OPCML: variants seen among roughly 807,000 people sequenced by gnomAD.
The protein encoded by OPCML is opioid-binding protein/cell adhesion molecule.
A neutral mutation model predicts 37.8 loss-of-function variants in OPCML; 13 were observed. That is an observed-to-expected ratio of 0.34 (90% CI 0.22 to 0.55). OPCML has a LOEUF of 0.55. Ranked by LOEUF, OPCML falls within the 20% of genes least tolerant of loss-of-function variation. The pLI is 0.91. For synonymous variants in OPCML, 176 were observed against 168.8 expected (o/e 1.04, Z -0.33); for missense variants, 341 against 435.6 (o/e 0.78, Z 1.93).
rs147085566 is a variant in OPCML, at chr11:133,457,853, T to A, written c.61+74411A>T. Among the ~76,000 whole-genome samples, 589 of 152,104 alleles carry A rather than the reference T, an allele frequency of 3.9e-3. 1 individual carries two copies. Among genetic ancestry groups the A allele is most frequent in the Non-Finnish European group, 6.6e-3 (446 of 67,968 alleles). ...AACAACACTCAAAACTCTGTCAAAATACAAAGTTCTTAGCCAGGTCTGGTG... is the reference window on the plus strand; with the variant it reads ...AACAACACTCAAAACTCTGTCAAAAAACAAAGTTCTTAGCCAGGTCTGGTG... On this transcript the variant is annotated intron_variant, in intron 1 of 7. Transcript: ENST00000524381.
At chr11:133,532,205 C>T in intron 1 of OPCML, 59 bp downstream of exon 1, 1 of 1,587,754 alleles carries the variant, frequency 6.3e-7, no homozygotes, top group Admixed American at 1.8e-5. Context: ...ACTGCCTCTC[C>T]TGCTCTCACG....
chr11:133,019,415 G>A (rs567081517), intron 1 of OPCML, among the ~76,000 whole-genome samples: 26 of 152,258 alleles, frequency 1.7e-4, no homozygotes, highest in African/African-American at 6.0e-4. Flanking sequence ...AGGTCAGGCG[G>A]CCCCTTCTCC....
intron 2 of OPCML, among the ~76,000 whole-genome samples, chr11:132,790,611 T>C (rs747646652): frequency 2.0e-5 from 3 of 152,222 alleles, no homozygotes; most frequent in Non-Finnish European, 2.9e-5. Context: ...TGTCAAATTG[T>C]GTGAGCTTCT....
intron 1 of OPCML, among the ~76,000 whole-genome samples, chr11:133,071,583 C>T (rs1326031224): frequency 2.0e-5 from 3 of 152,084 alleles, no homozygotes; most frequent in African/African-American, 2.4e-5. Context: ...CACTGCCTGT[C>T]GAATGATGTG....
intron 4 of OPCML, among the ~76,000 whole-genome samples, chr11:132,499,058 T>C (rs1455796851): frequency 6.6e-6 from 1 of 152,214 alleles, no homozygotes; most frequent in Admixed American, 6.5e-5. Context: ...TCCCCGTGCA[T>C]GGTAGCACAC....
intron 1 of OPCML, among the ~76,000 whole-genome samples, chr11:133,119,874 G>A (rs1949395034): frequency 6.6e-6 from 1 of 152,186 alleles, no homozygotes; most frequent in Admixed American, 6.5e-5. Context: ...AGCGGGAAAG[G>A]TGAGCGGGAA....
intron 2 of OPCML, among the ~76,000 whole-genome samples, chr11:132,920,012 G>A (rs1486027292): frequency 4.6e-5 from 7 of 152,148 alleles, no homozygotes; most frequent in East Asian, 1.9e-4. Flanking sequence ...GGGAGTAGCC[G>A]CTAATGGGTT....
At chr11:133,030,865 C>T (rs1218064672) in intron 1 of OPCML, among the ~76,000 whole-genome samples, 2 of 151,542 alleles carry the variant, frequency 1.3e-5, no homozygotes, top group East Asian at 3.9e-4. Context: ...TCGTCCTTTG[C>T]ACTGTGCTCA....
intron 1 of OPCML, among the ~76,000 whole-genome samples, chr11:133,350,025 G>A (rs993793070): frequency 2.0e-5 from 3 of 152,298 alleles, no homozygotes; most frequent in South Asian, 4.1e-4. Flanking sequence ...CTGCAGAGGA[G>A]CCCACAGAGC....
intron 1 of OPCML, among the ~76,000 whole-genome samples, chr11:132,953,482 G>A (rs986518970): frequency 1.6e-4 from 24 of 152,176 alleles, no homozygotes; most frequent in South Asian, 8.3e-4. Flanking sequence ...ACCGATTTCC[G>A]CAAGCCATAC....
chr11:133,174,449 G>A lies in OPCML; in HGVS notation c.62-231439C>T, dbSNP rs548415809. Among the ~76,000 whole-genome samples the A allele has an allele frequency of 2.2e-4, 33 of 152,208 alleles. No individual in the cohort carries two copies. The highest frequency in any genetic ancestry group is 1.2e-3 in the South Asian group (6 of 4,818). The stretch of plus-strand genomic sequence containing the variant: ...AGGAGAAGGAATGGTTTTCTCAGAC[G>A]AGTTAGAATAACATACCAACATTTA... On this transcript the variant is annotated intron_variant, in intron 1 of 7. Coordinates refer to ENST00000524381, the MANE Select transcript of OPCML (RefSeq NM_001012393.5). The surrounding 1 kb of genome is among the most constrained non-coding windows in gnomAD (Gnocchi z 4.6).
chr11:132,884,841 T>A (rs912847327), intron 2 of OPCML, among the ~76,000 whole-genome samples: 3 of 152,204 alleles, frequency 2.0e-5, no homozygotes, highest in Non-Finnish European at 4.4e-5. Context: ...AACTGAAAAG[T>A]GATTGCTCAG....
intron 2 of OPCML, among the ~76,000 whole-genome samples, chr11:132,813,202 CT>C (rs1462651173): frequency 5.9e-5 from 9 of 152,030 alleles, no homozygotes; most frequent in African/African-American, 2.2e-4. Flanking sequence ...CTGGTTCAGA[CT>C]TTTTACAGCT....
At chr11:132,990,872 C>T (rs973157120) in intron 1 of OPCML, among the ~76,000 whole-genome samples, 4 of 152,120 alleles carry the variant, frequency 2.6e-5, no homozygotes, top group African/African-American at 9.7e-5. Context: ...AATGTGGTAG[C>T]TTATGTACTT....
intron 2 of OPCML, among the ~76,000 whole-genome samples, chr11:132,779,568 G>GGA (rs139640427): frequency 4.6e-5 from 7 of 150,664 alleles, no homozygotes; most frequent in Admixed American, 1.3e-4. Flanking sequence ...GGGGGCGTGG[G>GGA]GAGAGAGAGA....
At chr11:133,237,057 C>T (rs1940548890) in intron 1 of OPCML, among the ~76,000 whole-genome samples, 1 of 152,188 alleles carries the variant, frequency 6.6e-6, no homozygotes, top group African/African-American at 2.4e-5. Context: ...GAGGAACAAA[C>T]ATTTCAAACA....
chr11:133,366,058 G>A (rs1002146917), intron 1 of OPCML: 9 of 152,326 alleles, frequency 5.9e-5, no homozygotes, highest in Admixed American at 3.9e-4. Context: ...CACACCCCAC[G>A]TTTTCTCTTC....
intron 2 of OPCML, among the ~76,000 whole-genome samples, chr11:132,822,356 T>C (rs963342486): frequency 3.3e-5 from 5 of 152,126 alleles, no homozygotes; most frequent in African/African-American, 1.2e-4. Context: ...CATTTGTAAA[T>C]GCATGAATAA....
intron 1 of OPCML, among the ~76,000 whole-genome samples, chr11:133,216,168 G>A (rs1261513106): frequency 2.6e-5 from 4 of 152,172 alleles, no homozygotes; most frequent in African/African-American, 9.7e-5. Flanking sequence ...CCCTGCCTCT[G>A]CTGAAGCATC....
Sources: gnomAD v4.1 joint callset for allele counts (sites outside exome capture counted in the v4.1 genomes callset) on GRCh38, gnomAD v4.1.1 for gene constraint, Gnocchi (gnomAD v3.1) non-coding constraint, MANE v1.5 for transcripts, NCBI Gene and HGNC (gene_info 2026-07-23, HGNC 2026-07-21) for gene names.